TPGS2: variants seen among roughly 807,000 people sequenced by gnomAD.
The protein encoded by TPGS2 is polyglutamylase subunit 2.
Under a neutral mutation model 31.1 loss-of-function variants are expected in TPGS2, and 26 were observed. The ratio of observed to expected loss-of-function variants is 0.84; its 90% CI spans 0.61 to 1.16. The LOEUF (loss-of-function observed/expected upper bound fraction) is 1.16, where lower values mean the gene tolerates loss of function less well. Among genes scored for constraint, TPGS2 ranks in the 50% most tolerant of loss-of-function variants. The pLI is 0.00. For missense variants in TPGS2, 351 were observed against 363.8 expected (o/e 0.96, Z 0.29); for synonymous variants, 130 against 136.6 (o/e 0.95, Z 0.34).
chr18:36,823,042 T>A (rs1330059540), intron 1 of TPGS2, among the ~76,000 whole-genome samples: 1 of 152,268 alleles, frequency 6.6e-6, no homozygotes, highest in Non-Finnish European at 1.5e-5. Context: ...TTTGGGGGAA[T>A]GTTTTATATT....
At position 36,798,754 on chromosome 18, in the gene TPGS2, C is replaced by T. The variant is rs1259411328; in HGVS notation, c.497-145G>A. On this transcript the variant is annotated intron_variant, in intron 5 of 6. Transcript: ENST00000334295. ...GTAAAGTAAAAGTTCCCCTTCTGCC[C>T]CACTTCTAACCCTCCAGTCTCCTTC... 26 of 1,304,602 alleles carry T rather than the reference C, an allele frequency of 2.0e-5. No homozygotes were observed. In the East Asian group the frequency reaches 6.5e-4, roughly 33 times the overall value. 80.8% of individuals were successfully genotyped at this position (1,304,602 alleles called of 1,614,324 possible).
intron 2 of TPGS2, among the ~76,000 whole-genome samples, chr18:36,815,270 G>C (rs2045601776): frequency 6.6e-6 from 1 of 152,206 alleles, no homozygotes; most frequent in South Asian, 2.1e-4. Flanking sequence ...GGGTGAGAAA[G>C]TGAGACAAGC....
chr18:36,791,369 G>C (rs757413557), downstream of TPGS2, among the ~76,000 whole-genome samples: 1 of 152,174 alleles, frequency 6.6e-6, no homozygotes. Context: ...AAAGTTAATT[G>C]AGTGGTACTG....
chr18:36,794,547 T>TAAC lies in TPGS2; in HGVS notation c.*2255_*2257dup. On this transcript the variant is annotated 3_prime_UTR_variant, in exon 7 of 7. Coordinates refer to ENST00000334295, the MANE Select transcript of TPGS2 (RefSeq NM_015476.4). The stretch of plus-strand genomic sequence containing the variant: ...GTATCTGCTGCAGTGGAAGATGACA[T>TAAC]AACTTCTCAACTCCCTTCTAACCTC... The TAAC allele has an allele frequency of 1.0e-6, 1 of 985,364 alleles. No individual in the cohort carries two copies. Among genetic ancestry groups the TAAC allele is most frequent in the African/African-American group, 1.7e-5 (1 of 57,332 alleles). The allele number at this position is 985,364 out of a possible 1,614,324, so 61.0% of individuals were successfully genotyped here. A position where few individuals can be genotyped will look rare whatever the true frequency, so the allele number is the denominator to read the frequency against.
Position 36,796,667 on chromosome 18 carries a change from A to G in TPGS2, c.*138T>C. The G allele has an allele frequency of 6.9e-7, 1 of 1,439,168 alleles. No individual in the cohort carries two copies. 89.1% of individuals were successfully genotyped at this position (1,439,168 alleles called of 1,614,324 possible). On this transcript the variant is annotated 3_prime_UTR_variant, in exon 7 of 7. Coordinates refer to ENST00000334295, the MANE Select transcript of TPGS2 (RefSeq NM_015476.4). ...TACGAGCCTGGCTAATGTCGGTGGG[A>G]CTAAAAGCCTTACAATTTTGGTCAT... is the stretch of plus-strand genomic sequence containing the variant.
At chr18:36,787,906 T>C (rs377565781) in intron 6 of TPGS2, among the ~76,000 whole-genome samples, 164 of 152,334 alleles carry the variant, frequency 1.1e-3, no homozygotes, top group Non-Finnish European at 1.9e-3. Flanking sequence ...GAAAAAATAA[T>C]ATTTATGTCT....
chr18:36,828,590 G>A (rs575662787), intron 1 of TPGS2, 93 bp downstream of exon 1: 1 of 1,388,024 alleles, frequency 7.2e-7, no homozygotes, highest in East Asian at 2.3e-5. Context: ...CCTGTTCTGG[G>A]GCCAGCGTCG....
At chr18:36,790,427 G>A (rs552645793), downstream of TPGS2, among the ~76,000 whole-genome samples, 5 of 152,286 alleles carry the variant, frequency 3.3e-5, no homozygotes, top group East Asian at 5.8e-4. Flanking sequence ...CATAATGCTC[G>A]CTACATTTAT....
At chr18:36,807,669 T>G (rs1600789330) in intron 3 of TPGS2, 178 bp downstream of exon 3, 2 of 611,626 alleles carry the variant, frequency 3.3e-6, no homozygotes, top group Non-Finnish European at 2.9e-6. Flanking sequence ...TTGTGGTGGG[T>G]GAAGCAATGA....
intron 4 of TPGS2, among the ~76,000 whole-genome samples, chr18:36,804,020 A>G (rs2044979619): frequency 6.6e-6 from 1 of 152,062 alleles, no homozygotes; most frequent in African/African-American, 2.4e-5. Context: ...GGCGATTTAC[A>G]GAGGTGATGA....
At chr18:36,826,743 G>A (rs762147271) in intron 1 of TPGS2, among the ~76,000 whole-genome samples, 4 of 152,222 alleles carry the variant, frequency 2.6e-5, no homozygotes, top group East Asian at 1.9e-4. Flanking sequence ...TAATCCTTGC[G>A]TCAAATCATT....
At position 36,795,806 on chromosome 18, in the gene TPGS2, A is replaced by G; in HGVS notation, c.*999T>C. On this transcript the variant is annotated 3_prime_UTR_variant, in exon 7 of 7. Coordinates refer to ENST00000334295, the MANE Select transcript of TPGS2 (RefSeq NM_015476.4). The stretch of plus-strand genomic sequence containing the variant: ...CTTGTCCTAAGGATGGCCAGGGACC[A>G]GGCAAAGTGAGGCTGGACAACTCAG... The G allele has an allele frequency of 1.0e-6, 1 of 985,478 alleles. No homozygotes were observed. Among genetic ancestry groups the G allele is most frequent in the Non-Finnish European group, 1.2e-6 (1 of 829,946 alleles). The allele number at this position is 985,478 out of a possible 1,614,324, so 61.0% of individuals were successfully genotyped here.
In TPGS2 at chr18:36,796,368, T is replaced by A. The variant is rs180864631; in HGVS notation, c.*437A>T. On this transcript the variant is annotated 3_prime_UTR_variant, in exon 7 of 7. Transcript: ENST00000334295. ...AATACTCAAAATGTGGCTAATGCAATTGAAGAAATGAATTTTTCATACAAT... is the reference window on the plus strand; with the variant it reads ...AATACTCAAAATGTGGCTAATGCAAATGAAGAAATGAATTTTTCATACAAT... 1.4e-4 allele frequency: 135 copies of A among 979,884 alleles called. 1 individual carries two copies. In the African/African-American group the frequency reaches 2.3e-3, roughly 17 times the overall value. 60.7% of individuals were successfully genotyped at this position (979,884 alleles called of 1,614,324 possible). A position where few individuals can be genotyped will look rare whatever the true frequency, so the allele number is the denominator to read the frequency against.
Position 36,796,636 on chromosome 18 carries a change from C to A in TPGS2, c.*169G>T. 5 of 1,395,824 alleles carry A rather than the reference C, an allele frequency of 3.6e-6. No individual in the cohort carries two copies. The highest frequency in any genetic ancestry group is 4.6e-6 in the Non-Finnish European group (5 of 1,080,672). 86.5% of individuals were successfully genotyped at this position (1,395,824 alleles called of 1,614,324 possible). A position where few individuals can be genotyped will look rare whatever the true frequency, so the allele number is the denominator to read the frequency against. ...GGGACAGCACAACCTGCTCTGGAGG[C>A]CTCACTACGAGCCTGGCTAATGTCG... On this transcript the variant is annotated 3_prime_UTR_variant, in exon 7 of 7. Coordinates refer to ENST00000334295, the MANE Select transcript of TPGS2 (RefSeq NM_015476.4).
At position 36,807,931 on chromosome 18, in the gene TPGS2, T is replaced by A. The variant is rs767662240; in HGVS notation, c.169A>T (p.Asn57Tyr). ...RHMISSWEQK[N>Y]NCVMPEDVKN... ...ACATCTTCAGGCATCACACAGTTAT[T>A]CTTCTAGAATCACAAAGCAGCTAAG... is the stretch of plus-strand genomic sequence containing the variant. Residue 57 changes from asparagine to tyrosine, a missense_variant, in exon 3 of 7, where the codon AAT becomes TAT. Coordinates refer to ENST00000334295, the MANE Select transcript of TPGS2 (RefSeq NM_015476.4). 1 of 1,614,106 alleles carries A rather than the reference T, an allele frequency of 6.2e-7. No individual in the cohort carries two copies. The highest frequency in any genetic ancestry group is 1.7e-5 in the Admixed American group (1 of 60,026).
At chr18:36,806,374 G>C (rs1425398665) in intron 3 of TPGS2, among the ~76,000 whole-genome samples, 1 of 152,140 alleles carries the variant, frequency 6.6e-6, no homozygotes, top group Non-Finnish European at 1.5e-5. Context: ...TTGCAAGGAT[G>C]TGGGCCAGGG....
intron 1 of TPGS2, among the ~76,000 whole-genome samples, chr18:36,821,323 C>T (rs778717028): frequency 2.6e-5 from 4 of 152,076 alleles, no homozygotes; most frequent in African/African-American, 7.2e-5. Flanking sequence ...TTGATGATTC[C>T]AGTCCCAGCT....
At chr18:36,785,894 G>A (rs902228567) in intron 6 of TPGS2, among the ~76,000 whole-genome samples, 1 of 152,102 alleles carries the variant, frequency 6.6e-6, no homozygotes, top group African/African-American at 2.4e-5. Context: ...GGGACAGGAG[G>A]GTAGAACAGG....
chr18:36,825,623 T>C (rs974170641), intron 1 of TPGS2, among the ~76,000 whole-genome samples: 1 of 152,196 alleles, frequency 6.6e-6, no homozygotes, highest in African/African-American at 2.4e-5. Context: ...CAATTTTAAG[T>C]GTACAGTTAA....
Sources: allele counts gnomAD v4.1 joint callset (sites outside exome capture counted in the v4.1 genomes callset), GRCh38; gene constraint gnomAD v4.1.1; transcripts MANE v1.5; gene names NCBI Gene and HGNC (gene_info 2026-07-23, HGNC 2026-07-21).